BHMT2: variants seen among roughly 807,000 people sequenced by gnomAD.
BHMT2 encodes betaine--homocysteine S-methyltransferase 2.
Under a neutral mutation model 39.0 loss-of-function variants are expected in BHMT2, and 28 were observed. The observed-to-expected ratio is 0.72, with a 90% confidence interval of 0.53 to 0.98. The LOEUF is 0.98. BHMT2 is among the 50% of genes least tolerant of loss of function. The pLI, the probability that BHMT2 is intolerant of heterozygous loss-of-function variation, is 0.00. For synonymous variants in BHMT2, 145 were observed against 160.6 expected, an observed-to-expected ratio of 0.90 and a Z score of 0.74; for missense variants, 410 against 455.6, an observed-to-expected ratio of 0.90 and a Z score of 0.91.
At chr5:79,074,612 C>T (rs1040272988) in intron 1 of BHMT2, among the ~76,000 whole-genome samples, 8 of 152,172 alleles carry the variant, frequency 5.3e-5, no homozygotes, top group African/African-American at 1.4e-4. Context: ...CCTTGGTATC[C>T]AAGGAAGCTC....
chr5:79,079,762 G>A (rs1436111862), intron 3 of BHMT2, among the ~76,000 whole-genome samples: 1 of 152,122 alleles, frequency 6.6e-6, no homozygotes, highest in Non-Finnish European at 1.5e-5. Flanking sequence ...TGGGTGTGGT[G>A]GCAGGCGCCA....
intron 1 of BHMT2, among the ~76,000 whole-genome samples, chr5:79,072,017 A>G (rs759962898): frequency 3.3e-5 from 5 of 152,134 alleles, no homozygotes; most frequent in Non-Finnish European, 5.9e-5. Flanking sequence ...CTGTAATCCT[A>G]GCACTTTGGG....
intron 1 of BHMT2, among the ~76,000 whole-genome samples, chr5:79,077,040 G>A (rs1388729881): frequency 3.9e-5 from 6 of 152,186 alleles, no homozygotes; most frequent in Admixed American, 2.6e-4. Context: ...ACCAGCTTCC[G>A]TATGTGTCTC....
At chr5:79,088,408 A>G in intron 7 of BHMT2, 85 bp from the exon 8 acceptor site, 1 of 852,814 alleles carries the variant, frequency 1.2e-6, no homozygotes. Context: ...GGTTATATAC[A>G]TATACATACA....
Position 79,077,649 on chromosome 5 carries a change from G to A in BHMT2, c.166+37G>A, listed in dbSNP as rs199923773. 10 of 1,573,800 alleles carry A rather than the reference G, an allele frequency of 6.4e-6. No individual in the cohort carries two copies. The African/African-American group carries it at 6.8e-5, about 11-fold the overall frequency. On this transcript the variant is annotated intron_variant, in intron 2 of 7. Transcript: ENST00000255192. ...CATCCCCAAGAGTGTCTACCTGAGT[G>A]GTATTTTATTTAAATCTGATTGAGA...
chr5:79,084,420 C>A (rs531683712), intron 7 of BHMT2, among the ~76,000 whole-genome samples: 1 of 152,104 alleles, frequency 6.6e-6, no homozygotes, highest in Admixed American at 6.5e-5. Flanking sequence ...ATTACAGGCG[C>A]CCACCACCAC....
intron 7 of BHMT2, 96 bp from the exon 8 acceptor site, chr5:79,088,397 T>TGG: frequency 1.4e-6 from 1 of 702,238 alleles, no homozygotes; most frequent in Non-Finnish European, 2.4e-6. Flanking sequence ...TGTGTGTGTG[T>TGG]GGTTATATAC....
intron 2 of BHMT2, 185 bp downstream of exon 2, chr5:79,077,797 C>T (rs1755700618): frequency 1.7e-6 from 1 of 580,372 alleles, no homozygotes; most frequent in Non-Finnish European, 2.9e-6. Context: ...CTCTCTCTCT[C>T]TCATACACAC....
chr5:79,072,506 A>G (rs1281910828), intron 1 of BHMT2, among the ~76,000 whole-genome samples: 1 of 152,188 alleles, frequency 6.6e-6, no homozygotes, highest in Non-Finnish European at 1.5e-5. Context: ...AGTCCTGTTT[A>G]TTTGCTAATT....
At chr5:79,072,072 C>G (rs1259978625) in intron 1 of BHMT2, among the ~76,000 whole-genome samples, 2 of 151,932 alleles carry the variant, frequency 1.3e-5, no homozygotes, top group Non-Finnish European at 2.9e-5. Flanking sequence ...TTCGAGACCA[C>G]ACTGGACAAC....
chr5:79,077,516 A>C lies in BHMT2; in HGVS notation c.70A>C (p.Ile24Leu). 1 of 1,612,988 alleles carries C rather than the reference A, an allele frequency of 6.2e-7. No homozygotes were observed. Among genetic ancestry groups the C allele is most frequent in the Non-Finnish European group, 8.5e-7 (1 of 1,179,862 alleles). ...LERLESGEVV[I>L]GDGSFLITLE... Reference sequence around the variant, plus strand: ...GCGCCTGGAGAGTGGGGAGGTTGTGATTGGAGATGGCAGCTTTCTCATTAC... The same window carrying C: ...GCGCCTGGAGAGTGGGGAGGTTGTGCTTGGAGATGGCAGCTTTCTCATTAC... Residue 24 changes from isoleucine (I) to leucine (L), a missense_variant, in exon 2 of 8, where the codon ATT (isoleucine) becomes CTT (leucine). By Grantham distance (5) the Ile-to-Leu change is conservative (BLOSUM62 2). Coordinates refer to ENST00000255192, the MANE Select transcript of BHMT2 (RefSeq NM_017614.5).
intron 1 of BHMT2, 31 bp from the exon 2 acceptor site, chr5:79,077,449 G>A (rs763222167): frequency 3.8e-5 from 60 of 1,574,040 alleles, no homozygotes; most frequent in African/African-American, 8.3e-5. Context: ...AAAGTAGAGC[G>A]GAGCTTAGGT....
intron 2 of BHMT2, among the ~76,000 whole-genome samples, chr5:79,079,040 C>T (rs1008302414): frequency 1.3e-5 from 2 of 152,200 alleles, no homozygotes; most frequent in Non-Finnish European, 2.9e-5. Flanking sequence ...AGTAGACCAG[C>T]TCTGTCCTTT....
intron 7 of BHMT2, among the ~76,000 whole-genome samples, chr5:79,087,014 G>GTGCA (rs1329456863): frequency 1.7e-5 from 2 of 118,324 alleles, no homozygotes; most frequent in Admixed American, 9.0e-5. Flanking sequence ...GTGTGTGTGT[G>GTGCA]TATATATATA....
intron 1 of BHMT2, among the ~76,000 whole-genome samples, chr5:79,075,763 A>G (rs929217795): frequency 6.6e-6 from 1 of 152,236 alleles, no homozygotes; most frequent in Admixed American, 6.5e-5. Flanking sequence ...GATGTGCTTT[A>G]GACCAAGTGA....
intron 3 of BHMT2, among the ~76,000 whole-genome samples, chr5:79,080,337 A>G (rs1755761594): frequency 1.3e-5 from 2 of 152,250 alleles, no homozygotes; most frequent in Non-Finnish European, 2.9e-5. Context: ...TGTAAATGTT[A>G]ATGCCCATTA....
chr5:79,072,269 A>G (rs1045187553), intron 1 of BHMT2, among the ~76,000 whole-genome samples: 10 of 150,016 alleles, frequency 6.7e-5, no homozygotes, highest in Non-Finnish European at 1.5e-4. Flanking sequence ...CTCTGTCTCA[A>G]AAAAAAAAAG....
In BHMT2 at chr5:79,087,012, G is replaced by GTA. The variant is rs1237997664; in HGVS notation, c.1011-1480_1011-1479insAT. ...TTTGTGTATGTATGTGTGTGTGTGT[G>GTA]TGTATATATATATATATATATATAT... is the stretch of plus-strand genomic sequence containing the variant. On this transcript the variant is annotated intron_variant, in intron 7 of 7. Coordinates refer to ENST00000255192, the MANE Select transcript of BHMT2 (RefSeq NM_017614.5). Among the ~76,000 whole-genome samples the GTA allele has an allele frequency of 5.7e-3, 612 of 108,104 alleles. 5 individuals carry two copies. The highest frequency in any genetic ancestry group is 0.017 in the African/African-American group (393 of 23,088). 70.9% of individuals were successfully genotyped at this position (108,104 alleles called of 152,430 possible).
rs548396281 is a variant in BHMT2, at chr5:79,076,493, C to T, written c.34-987C>T. Among the ~76,000 whole-genome samples, 15 of 152,244 alleles carry T rather than the reference C, an allele frequency of 9.9e-5. No homozygotes were observed. The South Asian group carries it at 2.9e-3, about 30-fold the overall frequency. The stretch of plus-strand genomic sequence containing the variant: ...GCCTTTCTGTATCAAAAGGAAACTG[C>T]ACCCCATGGCTAACTGCTCTGAATG... On this transcript the variant is annotated intron_variant, in intron 1 of 7. Transcript: ENST00000255192.
Sources: gnomAD v4.1 joint callset for allele counts (sites outside exome capture counted in the v4.1 genomes callset) on GRCh38, gnomAD v4.1.1 for gene constraint, MANE v1.5 for transcripts, NCBI Gene and HGNC (gene_info 2026-07-23, HGNC 2026-07-21) for gene names.